The following LRRIQ3 variants were observed in gnomAD, a reference collection of about 807,000 sequenced individuals.
LRRIQ3 encodes the protein leucine-rich repeat and IQ domain-containing protein 3.
LRRIQ3 carries 75 observed loss-of-function variants against 59.3 expected under a neutral mutation model. The observed-to-expected ratio is 1.26, with a 90% CI of 1.05 to 1.53. LRRIQ3 has a LOEUF of 1.53. LRRIQ3 is among the 40% of genes most tolerant of loss of function. LRRIQ3 has a pLI of 0.00. For missense variants in LRRIQ3, 831 were observed against 710.0 expected, an observed-to-expected ratio of 1.17 and a Z score of -1.94; for synonymous variants, 250 against 231.3, an observed-to-expected ratio of 1.08 and a Z score of -0.73.
At chr1:74,180,663 T>C in intron 3 of LRRIQ3, 1 of 1,509,492 alleles carries the variant, frequency 6.6e-7, no homozygotes, top group Non-Finnish European at 9.0e-7. Context: ...CTGCACTGTC[T>C]GTCATTTGTG....
rs369260512 is a variant in LRRIQ3 at position 74,026,929 on chromosome 1, C to T, written c.1759G>A (p.Val587Ile). The change falls in exon 8 of 8, where the codon GTT becomes ATT. Residue 587 changes from valine to isoleucine, a missense_variant. Coordinates refer to ENST00000354431, the MANE Select transcript of LRRIQ3 (RefSeq NM_001105659.2). ...TTTTCAAAGGCAATCATATCCATAA[C>T]AAATTTTTCTTCACAATGTCTTTTA... The part of the protein sequence containing the change: ...IYKRHCEEKF[V>I]MDMIAFEKAC... The T allele has an allele frequency of 2.5e-6, 4 of 1,588,352 alleles. No homozygotes were observed. In the African/African-American group the frequency reaches 4.1e-5, roughly 16 times the overall value.
chr1:74,114,106 G>T (rs1337579328), intron 4 of LRRIQ3, among the ~76,000 whole-genome samples: 1 of 151,714 alleles, frequency 6.6e-6, no homozygotes, highest in Admixed American at 6.6e-5. Flanking sequence ...GCACAAGGAG[G>T]CAGGTGAGAG....
At chr1:74,110,185 A>G (rs145308034) in intron 4 of LRRIQ3, among the ~76,000 whole-genome samples, 6 of 151,966 alleles carry the variant, frequency 3.9e-5, no homozygotes, top group African/African-American at 1.2e-4. Flanking sequence ...CAAAAACTAC[A>G]TGTTTTCCCT....
At chr1:74,039,871 G>C (rs1337596304) in intron 7 of LRRIQ3, among the ~76,000 whole-genome samples, 1 of 152,116 alleles carries the variant, frequency 6.6e-6, no homozygotes, top group Admixed American at 6.6e-5. Flanking sequence ...TGAAGAAACT[G>C]TACCAACTAG....
At chr1:74,081,600 G>A (rs1411111145) in intron 5 of LRRIQ3, among the ~76,000 whole-genome samples, 2 of 151,548 alleles carry the variant, frequency 1.3e-5, no homozygotes, top group Non-Finnish European at 1.5e-5. Context: ...GGTGGAATAA[G>A]TAAAAGAAAG....
intron 2 of LRRIQ3, chr1:74,183,234 A>G (rs957023759): frequency 2.5e-6 from 1 of 397,010 alleles, no homozygotes; most frequent in Non-Finnish European, 4.4e-6. Context: ...ATACCAGATT[A>G]CACACTATTT....
chr1:74,148,810 C>G (rs1647741343), intron 4 of LRRIQ3, among the ~76,000 whole-genome samples: 1 of 152,062 alleles, frequency 6.6e-6, no homozygotes, highest in Admixed American at 6.5e-5. Flanking sequence ...CCATGTGGGT[C>G]ACCTAGGAAT....
chr1:74,059,680 A>G (rs1267400437), intron 6 of LRRIQ3, among the ~76,000 whole-genome samples: 1 of 152,062 alleles, frequency 6.6e-6, no homozygotes, highest in African/African-American at 2.4e-5. Flanking sequence ...GGTTGTTGGA[A>G]ATCCCCTACA....
At chr1:74,102,648 A>C (rs952993031) in intron 5 of LRRIQ3, among the ~76,000 whole-genome samples, 1 of 152,004 alleles carries the variant, frequency 6.6e-6, no homozygotes, top group African/African-American at 2.4e-5. Context: ...TGATATCAAG[A>C]TCTCAAAGAC....
intron 6 of LRRIQ3, among the ~76,000 whole-genome samples, chr1:74,064,860 TC>T (rs1488117225): frequency 6.6e-6 from 1 of 152,074 alleles, no homozygotes; most frequent in East Asian, 1.9e-4. Flanking sequence ...CAAAATTCTA[TC>T]TTAATATTTT....
intron 4 of LRRIQ3, among the ~76,000 whole-genome samples, chr1:74,123,492 TACTTCCATGA>T (rs1210083687): frequency 6.6e-6 from 1 of 151,936 alleles, no homozygotes; most frequent in Non-Finnish European, 1.5e-5. Context: ...ATTCTATCTC[TACTTCCATGA>T]ATTCAACTGT....
At chr1:74,189,106 G>A (rs1650590971) in intron 1 of LRRIQ3, among the ~76,000 whole-genome samples, 1 of 152,066 alleles carries the variant, frequency 6.6e-6, no homozygotes, top group South Asian at 2.1e-4. Flanking sequence ...GGAAGGTTAG[G>A]TTCAGCTGGA....
intron 1 of LRRIQ3, among the ~76,000 whole-genome samples, 168 bp from the exon 2 acceptor site, chr1:74,183,852 C>T (rs907446136): frequency 2.0e-5 from 3 of 151,978 alleles, no homozygotes; most frequent in African/African-American, 7.2e-5. Context: ...ACTTAAATAT[C>T]TAACATTTCA....
intron 6 of LRRIQ3, among the ~76,000 whole-genome samples, chr1:74,043,070 G>A (rs1654096100): frequency 6.6e-6 from 1 of 151,994 alleles, no homozygotes; most frequent in Non-Finnish European, 1.5e-5. Context: ...GGGTCTATTT[G>A]TTACTATACC....
At chr1:74,105,580 G>T (rs1241357876) in intron 5 of LRRIQ3, among the ~76,000 whole-genome samples, 1 of 151,758 alleles carries the variant, frequency 6.6e-6, no homozygotes, top group Non-Finnish European at 1.5e-5. Flanking sequence ...AAGTTATCTT[G>T]TTGCTATTTT....
chr1:74,073,620 A>AC (rs34921170), intron 6 of LRRIQ3, among the ~76,000 whole-genome samples: 119,399 of 151,296 alleles, frequency 0.79, 50,123 homozygotes, highest in East Asian at 0.97. Flanking sequence ...TAAAAAAAAA[A>AC]AAAAACAGTT....
intron 5 of LRRIQ3, among the ~76,000 whole-genome samples, chr1:74,103,357 T>G (rs901388724): frequency 7.9e-5 from 12 of 151,956 alleles, no homozygotes; most frequent in African/African-American, 2.9e-4. Context: ...AGTAAATATC[T>G]ATTTAAAATA....
chr1:74,073,144 G>A (rs906312590), intron 6 of LRRIQ3, among the ~76,000 whole-genome samples: 2 of 151,914 alleles, frequency 1.3e-5, no homozygotes, highest in Non-Finnish European at 2.9e-5. Flanking sequence ...CTGCTCCTTC[G>A]CTGAATTTGC....
intron 4 of LRRIQ3, among the ~76,000 whole-genome samples, chr1:74,139,638 T>A (rs918168637): frequency 3.3e-5 from 5 of 151,958 alleles, no homozygotes; most frequent in Non-Finnish European, 5.9e-5. Flanking sequence ...ATCTCTTCTG[T>A]GCTTAAACAC....
Sources: allele counts gnomAD v4.1 joint callset (sites outside exome capture counted in the v4.1 genomes callset), GRCh38; gene constraint gnomAD v4.1.1; transcripts MANE v1.5; gene names NCBI Gene and HGNC (gene_info 2026-07-23, HGNC 2026-07-21).